SDK1: variants seen among roughly 807,000 people sequenced by gnomAD.
SDK1 encodes protein sidekick-1.
A neutral mutation model predicts 245.5 loss-of-function variants in SDK1; 157 were observed. The ratio of observed to expected loss-of-function variants is 0.64; its 90% CI spans 0.56 to 0.73. The LOEUF is 0.73. SDK1 is among the 30% of genes least tolerant of loss of function. SDK1 has a pLI of 0.00. For missense variants in SDK1, 3,583 were observed against 3,002.3 expected (o/e 1.19, Z -4.52); for synonymous variants, 1,647 against 1,278.5 (o/e 1.29, Z -6.15).
chr7:3,839,293 G>T (rs1385363086), intron 5 of SDK1, among the ~76,000 whole-genome samples: 1 of 152,162 alleles, frequency 6.6e-6, no homozygotes, highest in Non-Finnish European at 1.5e-5. Flanking sequence ...TCAAACATTA[G>T]GGTCGGTATT....
intron 4 of SDK1, among the ~76,000 whole-genome samples, chr7:3,701,379 T>C (rs556088614): frequency 6.6e-6 from 1 of 152,292 alleles, no homozygotes; most frequent in African/African-American, 2.4e-5. Flanking sequence ...TTTTCCCAAA[T>C]TGATGTATAG....
intron 4 of SDK1, among the ~76,000 whole-genome samples, chr7:3,802,056 C>T (rs1188646339): frequency 6.6e-6 from 1 of 152,210 alleles, no homozygotes; most frequent in Non-Finnish European, 1.5e-5. Flanking sequence ...CTTAATTATA[C>T]ATTCACAGAA....
At chr7:4,116,598 G>C (rs1783727220) in intron 25 of SDK1, among the ~76,000 whole-genome samples, 1 of 152,224 alleles carries the variant, frequency 6.6e-6, no homozygotes. Flanking sequence ...AAGCCCCCTG[G>C]GTTTCCTCAA....
At chr7:3,639,836 T>C (rs1240829338) in intron 3 of SDK1, among the ~76,000 whole-genome samples, 2 of 150,774 alleles carry the variant, frequency 1.3e-5, no homozygotes, top group African/African-American at 2.5e-5. Flanking sequence ...ATATGTCATA[T>C]ATATGTTATA....
At chr7:4,186,506 G>A (rs1436963756) in intron 35 of SDK1, among the ~76,000 whole-genome samples, 1 of 152,200 alleles carries the variant, frequency 6.6e-6, no homozygotes, top group African/African-American at 2.4e-5. Flanking sequence ...TGGCCTCGTG[G>A]TTCCCTCGAC....
chr7:3,360,384 G>A (rs983509494), intron 1 of SDK1, among the ~76,000 whole-genome samples: 5 of 152,174 alleles, frequency 3.3e-5, no homozygotes, highest in South Asian at 2.1e-4. Flanking sequence ...GTATTTTAAA[G>A]CAATTAGATT....
At chr7:3,960,875 C>T (rs1163723201) in intron 8 of SDK1, among the ~76,000 whole-genome samples, 2 of 152,156 alleles carry the variant, frequency 1.3e-5, no homozygotes, top group Non-Finnish European at 2.9e-5. Flanking sequence ...GAATGTGAAG[C>T]TATAAAATAT....
chr7:4,065,716 T>TG (rs1562755620), intron 19 of SDK1, among the ~76,000 whole-genome samples: 3 of 105,762 alleles, frequency 2.8e-5, no homozygotes, highest in South Asian at 2.8e-4. Flanking sequence ...TTTTTTTTTT[T>TG]TTTTTTTTTT....
intron 32 of SDK1, among the ~76,000 whole-genome samples, chr7:4,165,162 C>T (rs1248397739): frequency 6.6e-6 from 1 of 152,014 alleles, no homozygotes; most frequent in Non-Finnish European, 1.5e-5. Context: ...AGTTCAAGAC[C>T]AGCCTGGCCA....
intron 19 of SDK1, among the ~76,000 whole-genome samples, chr7:4,060,034 C>T (rs1779435384): frequency 6.6e-6 from 1 of 151,990 alleles, no homozygotes; most frequent in Admixed American, 6.6e-5. Flanking sequence ...CGCCCACCAC[C>T]ACACCTAGCT....
At chr7:4,146,962 C>G (rs753865364) in intron 29 of SDK1, among the ~76,000 whole-genome samples, 2 of 152,210 alleles carry the variant, frequency 1.3e-5, no homozygotes, top group Non-Finnish European at 2.9e-5. Context: ...CCATGAAAGT[C>G]TATAGTGGGC....
intron 1 of SDK1, among the ~76,000 whole-genome samples, chr7:3,511,682 G>A (rs1782583993): frequency 6.6e-6 from 1 of 151,796 alleles, no homozygotes; most frequent in African/African-American, 2.4e-5. Context: ...CCTTTATTAT[G>A]AAAATAAGTC....
intron 1 of SDK1, among the ~76,000 whole-genome samples, chr7:3,565,538 T>C (rs891426839): frequency 6.6e-6 from 1 of 152,208 alleles, no homozygotes; most frequent in Admixed American, 6.5e-5. Flanking sequence ...CTTAACAGAA[T>C]TTAGTAAACT....
intron 1 of SDK1, among the ~76,000 whole-genome samples, chr7:3,535,933 C>T (rs1778872047): frequency 6.6e-6 from 1 of 152,028 alleles, no homozygotes; most frequent in South Asian, 2.1e-4. Flanking sequence ...TATTCCTGAA[C>T]ATATTTATTA....
chr7:3,839,162 C>G (rs759834561), intron 5 of SDK1, among the ~76,000 whole-genome samples: 5 of 152,150 alleles, frequency 3.3e-5, no homozygotes, highest in Non-Finnish European at 7.3e-5. Context: ...CTCAGCTGTC[C>G]TTTCACGCTT....
chr7:3,779,825 G>T (rs559744992), intron 4 of SDK1, among the ~76,000 whole-genome samples: 12 of 151,910 alleles, frequency 7.9e-5, no homozygotes, highest in Admixed American at 2.0e-4. Context: ...CCAGCTACTC[G>T]GGAGGCTGAG....
intron 1 of SDK1, among the ~76,000 whole-genome samples, chr7:3,599,500 T>C (rs918603627): frequency 6.6e-6 from 1 of 152,236 alleles, no homozygotes; most frequent in African/African-American, 2.4e-5. Flanking sequence ...CATTTTTCTT[T>C]TGTGCATTAT....
intron 1 of SDK1, among the ~76,000 whole-genome samples, chr7:3,532,422 G>A (rs1310676376): frequency 6.6e-6 from 1 of 152,138 alleles, no homozygotes; most frequent in Admixed American, 6.5e-5. Context: ...GCTGCTTAAT[G>A]GGAGGTCACT....
At chr7:3,823,961 T>G (rs80208112) in intron 5 of SDK1, among the ~76,000 whole-genome samples, 8 of 119,560 alleles carry the variant, frequency 6.7e-5, no homozygotes, top group African/African-American at 1.8e-4. Flanking sequence ...TGTTTTTTTT[T>G]TTTGTTTTTT....
Sources: allele counts gnomAD v4.1 joint callset (sites outside exome capture counted in the v4.1 genomes callset), GRCh38; gene constraint gnomAD v4.1.1; transcripts MANE v1.5; gene names NCBI Gene and HGNC (gene_info 2026-07-23, HGNC 2026-07-21).